TPD52L1: variants seen among roughly 807,000 people sequenced by gnomAD.
TPD52L1 encodes the protein tumor protein D53.
In TPD52L1, 18 loss-of-function variants were observed where a neutral mutation model predicts 28.7. The ratio of observed to expected loss-of-function variants is 0.63; its 90% confidence interval spans 0.43 to 0.93. The LOEUF is 0.93. Among genes scored for constraint, TPD52L1 ranks in the 40% least tolerant of loss-of-function variants. The pLI, the probability that TPD52L1 is intolerant of heterozygous loss-of-function variation, is 0.00. For synonymous variants in TPD52L1, 75 were observed against 88.8 expected (o/e 0.84, Z 0.88); for missense variants, 203 against 254.8 (o/e 0.80, Z 1.39).
rs144441370 is a variant in TPD52L1 at position 125,221,759 on chromosome 6, C to T, written c.135+1566C>T. 729 of 152,300 alleles carry T rather than the reference C, an allele frequency of 4.8e-3. 7 individuals are homozygous for T. Among genetic ancestry groups the T allele is most frequent in the African/African-American group, 0.017 (689 of 41,548 alleles). The allele number at this position is 152,300 out of a possible 1,614,324, so 9.4% of individuals were successfully genotyped here. On this transcript the variant is annotated intron_variant, in intron 2 of 6. Coordinates refer to ENST00000534000, the MANE Select transcript of TPD52L1 (RefSeq NM_003287.4). ...CCTGTCTCATTTGGCCACAGTAATA[C>T]ACTTCCAGAACATTTCACTCCTAAG...
At chr6:125,191,984 C>T (rs898726796) in intron 1 of TPD52L1, among the ~76,000 whole-genome samples, 2 of 151,956 alleles carry the variant, frequency 1.3e-5, no homozygotes, top group African/African-American at 2.4e-5. Context: ...AATGAAGGAC[C>T]CTGACATATC....
chr6:125,192,552 G>A (rs1406300269), intron 1 of TPD52L1, among the ~76,000 whole-genome samples: 1 of 150,400 alleles, frequency 6.6e-6, no homozygotes, highest in African/African-American at 2.4e-5. Context: ...TCCTGAGGCA[G>A]GAAGTAGCAC....
chr6:125,240,800 A>G (rs2115017161), intron 3 of TPD52L1, among the ~76,000 whole-genome samples: 1 of 152,148 alleles, frequency 6.6e-6, no homozygotes, highest in East Asian at 1.9e-4. Context: ...CTCTTTTCTA[A>G]TTTAGATGGC....
At chr6:125,232,995 T>A (rs1400691945) in intron 3 of TPD52L1, among the ~76,000 whole-genome samples, 1 of 152,116 alleles carries the variant, frequency 6.6e-6, no homozygotes, top group East Asian at 1.9e-4. Flanking sequence ...GAGGAGAAAT[T>A]GAATCTCTTC....
chr6:125,201,080 A>G (rs189652770), intron 1 of TPD52L1, among the ~76,000 whole-genome samples: 14 of 152,332 alleles, frequency 9.2e-5, no homozygotes, highest in African/African-American at 2.4e-4. Flanking sequence ...CAGAGGGCAT[A>G]GTAGTCATGG....
At chr6:125,241,385 G>A (rs6903396) in intron 3 of TPD52L1, among the ~76,000 whole-genome samples, 32,923 of 151,882 alleles carry the variant, frequency 0.22, 4,736 homozygotes, top group African/African-American at 0.41. Context: ...GAATAGTTCT[G>A]GTAGGATTGG....
intron 1 of TPD52L1, among the ~76,000 whole-genome samples, chr6:125,162,922 T>C (rs1371521724): frequency 2.6e-5 from 4 of 152,228 alleles, no homozygotes; most frequent in Non-Finnish European, 1.5e-5. Context: ...TTTTAACTCA[T>C]TTTATAAACA....
At chr6:125,160,649 A>G (rs1342887586) in intron 1 of TPD52L1, among the ~76,000 whole-genome samples, 1 of 152,200 alleles carries the variant, frequency 6.6e-6, no homozygotes, top group Non-Finnish European at 1.5e-5. Context: ...TTTTGAAGCC[A>G]AGCATCGACT....
intron 5 of TPD52L1, among the ~76,000 whole-genome samples, chr6:125,254,153 G>A (rs917873417): frequency 1.3e-5 from 2 of 152,198 alleles, no homozygotes; most frequent in African/African-American, 4.8e-5. Flanking sequence ...TTAAATGCTA[G>A]CCTGGGGGCA....
chr6:125,176,042 C>T (rs750777142), intron 1 of TPD52L1, among the ~76,000 whole-genome samples: 6 of 152,178 alleles, frequency 3.9e-5, no homozygotes, highest in Admixed American at 6.5e-5. Context: ...GGGATGATCT[C>T]TTAGATTGCC....
At chr6:125,176,851 A>G (rs497514) in intron 1 of TPD52L1, among the ~76,000 whole-genome samples, 11,128 of 151,996 alleles carry the variant, frequency 0.073, 1,056 homozygotes, top group African/African-American at 0.22. Flanking sequence ...AGCCTGGGCA[A>G]TGTGGTGAAA....
intron 1 of TPD52L1, among the ~76,000 whole-genome samples, chr6:125,171,711 C>T (rs1251186368): frequency 1.3e-5 from 2 of 152,104 alleles, no homozygotes; most frequent in Non-Finnish European, 2.9e-5. Flanking sequence ...TCTGGTCCAG[C>T]CTCTAGATGA....
At chr6:125,164,290 C>T (rs1334022577) in intron 1 of TPD52L1, among the ~76,000 whole-genome samples, 1 of 152,174 alleles carries the variant, frequency 6.6e-6, no homozygotes, top group African/African-American at 2.4e-5. Flanking sequence ...GACTGGAGAT[C>T]TTTAAGAGTA....
At chr6:125,207,194 TA>T (rs1268299504) in intron 1 of TPD52L1, among the ~76,000 whole-genome samples, 1 of 152,186 alleles carries the variant, frequency 6.6e-6, no homozygotes, top group Non-Finnish European at 1.5e-5. Context: ...AGCTCAGGCT[TA>T]GGCATTCAGT....
Position 125,178,656 on chromosome 6 carries a change from A to ATAT in TPD52L1, c.19+24686_19+24687insTAT, listed in dbSNP as rs1383661753. On this transcript the variant is annotated intron_variant, in intron 1 of 6. Transcript: ENST00000534000. ...AAAACAAAACAAAACAAAACAAAAC[A>ATAT]AAATATATATATATATATATTTGGG... 1.8e-3 allele frequency among the ~76,000 whole-genome samples: 268 copies of ATAT among 149,612 alleles called. 1 individual carries two copies. Among genetic ancestry groups the ATAT allele is most frequent in the African/African-American group, 6.3e-3 (251 of 40,126 alleles).
At chr6:125,194,023 GTTTTTTT>G (rs3040726) in intron 1 of TPD52L1, among the ~76,000 whole-genome samples, 7 of 124,072 alleles carry the variant, frequency 5.6e-5, no homozygotes, top group Non-Finnish European at 8.4e-5. Context: ...CTTCTGAATA[GTTTTTTT>G]TTTTTTTTTT....
chr6:125,214,452 C>G (rs1398932482), intron 1 of TPD52L1: 1 of 984,346 alleles, frequency 1.0e-6, no homozygotes, highest in Non-Finnish European at 1.2e-6. Flanking sequence ...GCCAGAGGCA[C>G]ATACCTCCTC....
At chr6:125,223,579 T>G (rs1299558138) in intron 2 of TPD52L1, among the ~76,000 whole-genome samples, 2 of 151,920 alleles carry the variant, frequency 1.3e-5, no homozygotes, top group Non-Finnish European at 2.9e-5. Flanking sequence ...CATGGTGGCA[T>G]GCGCCTATAA....
chr6:125,251,715 T>C (rs1048640233), intron 4 of TPD52L1, among the ~76,000 whole-genome samples: 8 of 152,348 alleles, frequency 5.3e-5, no homozygotes, highest in African/African-American at 1.9e-4. Context: ...TGGCATCTTC[T>C]GGGAACTTCT....
Sources: allele counts gnomAD v4.1 joint callset (sites outside exome capture counted in the v4.1 genomes callset), GRCh38; gene constraint gnomAD v4.1.1; transcripts MANE v1.5; gene names NCBI Gene and HGNC (gene_info 2026-07-23, HGNC 2026-07-21).